PDZD2: variants seen among roughly 807,000 people sequenced by gnomAD.
PDZD2 encodes the protein PDZ domain-containing protein 2.
Under a neutral mutation model 220.7 loss-of-function variants are expected in PDZD2, and 90 were observed. That is an observed-to-expected ratio of 0.41 (90% CI 0.34 to 0.49). The LOEUF is 0.49. Ranked by LOEUF, PDZD2 falls within the 20% of genes least tolerant of loss-of-function variation. PDZD2 has a pLI of 0.28. For synonymous variants in PDZD2, 1,375 were observed against 1,450.5 expected (o/e 0.95, Z 1.18); for missense variants, 3,174 against 3,608.5 (o/e 0.88, Z 3.08).
intron 2 of PDZD2, among the ~76,000 whole-genome samples, chr5:31,865,295 T>G (rs1179063385): frequency 6.6e-6 from 1 of 152,010 alleles, no homozygotes; most frequent in Non-Finnish European, 1.5e-5. Context: ...TCTTTTTTGT[T>G]GTTGTTTTTG....
At chr5:31,979,721 CAAATG>C (rs2111846665) in intron 2 of PDZD2, among the ~76,000 whole-genome samples, 1 of 152,208 alleles carries the variant, frequency 6.6e-6, no homozygotes, top group African/African-American at 2.4e-5. Flanking sequence ...AATGTGAAAA[CAAATG>C]AGATGATCCA....
In PDZD2 at chr5:31,970,612, C is replaced by T. The variant is rs1332532486; in HGVS notation, c.477-12543C>T. ...TGGAAGATGCAGTGAGCCGATATCACGCCACTGCACTCCAGCCTGGGTGAC... is the reference window on the plus strand; with the variant it reads ...TGGAAGATGCAGTGAGCCGATATCATGCCACTGCACTCCAGCCTGGGTGAC... On this transcript the variant is annotated intron_variant, in intron 2 of 24. Coordinates refer to ENST00000438447, the MANE Select transcript of PDZD2 (RefSeq NM_178140.4). Among the ~76,000 whole-genome samples, 6 of 151,834 alleles carry T rather than the reference C, an allele frequency of 4.0e-5. 1 individual carries two copies. The South Asian group carries it at 1.2e-3, about 32-fold the overall frequency.
chr5:31,715,329 AAGGTTCAT>A (rs1334026845), intron 1 of PDZD2, among the ~76,000 whole-genome samples: 1 of 152,124 alleles, frequency 6.6e-6, no homozygotes, highest in Non-Finnish European at 1.5e-5. Flanking sequence ...CATACCTGGG[AAGGTTCAT>A]AGGTTTTTGG....
At chr5:31,678,318 G>A (rs1209816906) in intron 1 of PDZD2, among the ~76,000 whole-genome samples, 1 of 152,210 alleles carries the variant, frequency 6.6e-6, no homozygotes, top group Non-Finnish European at 1.5e-5. Flanking sequence ...CACAGCCCTT[G>A]AGAGTTGTGA....
rs1260768950 is a variant in PDZD2 at position 31,639,953 on chromosome 5, C to T, written c.-361+516C>T. Among the ~76,000 whole-genome samples the T allele has an allele frequency of 6.6e-6, 1 of 152,026 alleles. No homozygotes were observed. The highest frequency in any genetic ancestry group is 1.9e-4 in the East Asian group (1 of 5,154). On this transcript the variant is annotated intron_variant, in intron 1 of 24. Transcript: ENST00000438447. This position sits in a 1 kb window ranked among gnomAD's most constrained non-coding sequence, Gnocchi z 4.1. ...GCGGGGCGAGGGAATGCAGGGGGCG[C>T]GCAAAGATCAAGGGCATCTTAGGGC...
chr5:31,704,958 C>T (rs1041793509), intron 1 of PDZD2, among the ~76,000 whole-genome samples: 4 of 152,048 alleles, frequency 2.6e-5, no homozygotes, highest in Non-Finnish European at 4.4e-5. Flanking sequence ...GCTGGAAGTT[C>T]GAGACCAACC....
At chr5:32,033,845 C>A (rs1755317315) in intron 6 of PDZD2, among the ~76,000 whole-genome samples, 1 of 152,280 alleles carries the variant, frequency 6.6e-6, no homozygotes, top group Non-Finnish European at 1.5e-5. Flanking sequence ...TCTTGAACTC[C>A]TGGCCTCAAG....
At chr5:31,650,358 A>T (rs1288973796) in intron 1 of PDZD2, among the ~76,000 whole-genome samples, 1 of 152,216 alleles carries the variant, frequency 6.6e-6, no homozygotes, top group Non-Finnish European at 1.5e-5. Context: ...TTGAATCCAG[A>T]TCTCTCTGTC....
chr5:31,973,342 A>G (rs957883635), intron 2 of PDZD2, among the ~76,000 whole-genome samples: 3 of 152,244 alleles, frequency 2.0e-5, no homozygotes, highest in African/African-American at 7.2e-5. Context: ...CAAGATCAAT[A>G]TGAAAGTGAA....
intron 1 of PDZD2, among the ~76,000 whole-genome samples, chr5:31,694,476 AG>A (rs1747286386): frequency 1.3e-5 from 2 of 152,196 alleles, no homozygotes; most frequent in South Asian, 4.1e-4. Flanking sequence ...CTTCAGCCAT[AG>A]GGTGTCTTGG....
chr5:31,939,374 G>A (rs1451196682), intron 2 of PDZD2, among the ~76,000 whole-genome samples: 5 of 152,214 alleles, frequency 3.3e-5, no homozygotes, highest in Non-Finnish European at 5.9e-5. Context: ...CTGAGGTCTG[G>A]ACTCCCCAGG....
At chr5:31,976,885 T>C (rs1397634261) in intron 2 of PDZD2, among the ~76,000 whole-genome samples, 1 of 151,758 alleles carries the variant, frequency 6.6e-6, no homozygotes, top group African/African-American at 2.4e-5. Context: ...GCCCGGCTAA[T>C]TTTTGTATTT....
chr5:32,057,919 G>A lies in PDZD2; in HGVS notation c.2016G>A (p.Lys672=), dbSNP rs1471547585. The change falls in exon 12 of 25, where the codon AAG becomes AAA. Residue 672 remains lysine (K), a synonymous_variant. Coordinates refer to ENST00000438447, the MANE Select transcript of PDZD2 (RefSeq NM_178140.4). The part of the protein sequence containing the change: ...SGLFVLTVRT[K]LVSPSLTPCS... ...TATTTGTTTTAACGGTACGCACAAA[G>A]TTGGTGAGCCCCAGCCTCACACCCT... 1.1e-5 allele frequency: 17 copies of A among 1,613,114 alleles called. No homozygotes were observed. The highest frequency in any genetic ancestry group is 1.4e-5 in the Non-Finnish European group (16 of 1,179,720).
intron 1 of PDZD2, among the ~76,000 whole-genome samples, chr5:31,745,976 G>T (rs970121021): frequency 6.6e-6 from 1 of 152,112 alleles, no homozygotes; most frequent in South Asian, 2.1e-4. Flanking sequence ...CAAGTGGAGG[G>T]CCTAGCATTA....
At chr5:31,696,266 G>T (rs1385132024) in intron 1 of PDZD2, among the ~76,000 whole-genome samples, 1 of 152,142 alleles carries the variant, frequency 6.6e-6, no homozygotes, top group Non-Finnish European at 1.5e-5. Context: ...CTGGGTGCAG[G>T]AAAGGGGGTT....
chr5:31,649,252 G>A (rs527483516), intron 1 of PDZD2, among the ~76,000 whole-genome samples: 11 of 152,092 alleles, frequency 7.2e-5, no homozygotes, highest in African/African-American at 1.9e-4. Flanking sequence ...CCATTTCAGT[G>A]TGATTCAGGC....
intron 2 of PDZD2, among the ~76,000 whole-genome samples, chr5:31,927,957 G>A (rs1221610323): frequency 6.6e-6 from 1 of 152,050 alleles, no homozygotes; most frequent in East Asian, 1.9e-4. Context: ...TCACCAAGAT[G>A]GCTCCTTCTT....
Position 31,879,125 on chromosome 5 carries a change from C to T in PDZD2, c.476+79401C>T, listed in dbSNP as rs193068466. On this transcript the variant is annotated intron_variant, in intron 2 of 24. Coordinates refer to ENST00000438447, the MANE Select transcript of PDZD2 (RefSeq NM_178140.4). ...TTCTCGGGCCGGGCACGGTGGCTCACGTCTGTAATCCCAGCACTTTGGGAG... is the reference window on the plus strand; with the variant it reads ...TTCTCGGGCCGGGCACGGTGGCTCATGTCTGTAATCCCAGCACTTTGGGAG... 2.2e-3 allele frequency among the ~76,000 whole-genome samples: 334 copies of T among 151,604 alleles called. 2 individuals carry two copies. The highest frequency in any genetic ancestry group is 7.7e-3 in the African/African-American group (318 of 41,358).
intron 1 of PDZD2, among the ~76,000 whole-genome samples, chr5:31,787,164 A>G (rs1400523554): frequency 6.6e-6 from 1 of 152,202 alleles, no homozygotes; most frequent in Admixed American, 6.5e-5. Flanking sequence ...TGCTGCTAAC[A>G]CAGAAGCCCT....
Sources: allele counts gnomAD v4.1 joint callset (sites outside exome capture counted in the v4.1 genomes callset), GRCh38; gene constraint gnomAD v4.1.1; non-coding constraint Gnocchi (gnomAD v3.1); transcripts MANE v1.5; gene names NCBI Gene and HGNC (gene_info 2026-07-23, HGNC 2026-07-21).